Variants in KCNJ4 observed in about 807,000 individuals in gnomAD.
KCNJ4 encodes the protein potassium inwardly rectifying channel subfamily J member 4.
A neutral mutation model predicts 25.6 loss-of-function variants in KCNJ4; 3 were observed. That is an observed-to-expected ratio of 0.12 (90% CI 0.05 to 0.30). The LOEUF (loss-of-function observed/expected upper bound fraction) is 0.30. Among genes scored for constraint, KCNJ4 ranks in the 10% least tolerant of loss-of-function variants. The pLI is 1.00. For missense variants in KCNJ4, 286 were observed against 666.8 expected (o/e 0.43, Z 6.29); for synonymous variants, 257 against 283.9 (o/e 0.91, Z 0.95).
rs771035364 is a variant in KCNJ4 at position 38,426,786 on chromosome 22, G to T, written c.*9C>A. On this transcript the variant is annotated 3_prime_UTR_variant, in exon 2 of 2. Transcript: ENST00000303592. ...TCTTGTGGGCAGTGGTGAGGGCCGG[G>T]CCTGGAGGTCAGATGGCAGACTCCC... 8.1e-6 allele frequency: 13 copies of T among 1,600,542 alleles called. No homozygotes were observed. The South Asian group carries it at 1.2e-4, about 15-fold the overall frequency.
In KCNJ4 at chr22:38,443,967, G is replaced by A. The variant is rs1359394907; in HGVS notation, c.-40+11013C>T. Among the ~76,000 whole-genome samples, 4 of 151,824 alleles carry A rather than the reference G, an allele frequency of 2.6e-5. No individual in the cohort carries two copies. Among genetic ancestry groups the A allele is most frequent in the Non-Finnish European group, 5.9e-5 (4 of 67,986 alleles). On this transcript the variant is annotated intron_variant, in intron 1 of 1. Coordinates refer to ENST00000303592, the MANE Select transcript of KCNJ4 (RefSeq NM_152868.3). The surrounding 1 kb of genome is among the most constrained non-coding windows in gnomAD (Gnocchi z 4.1). ...AGACCTTCCTTCCCGTCCCTTTAAC[G>A]CACCAAGTTTATTCCTGTCTCTGGG...
chr22:38,444,054 C>T (rs1018045618), intron 1 of KCNJ4, among the ~76,000 whole-genome samples: 14 of 152,152 alleles, frequency 9.2e-5, no homozygotes, highest in Non-Finnish European at 1.0e-4. Flanking sequence ...CCGCTTGTGC[C>T]TTCCTACCAT....
chr22:38,427,035 G>C lies in KCNJ4; in HGVS notation c.1098C>G (p.Pro366=), dbSNP rs959718625. 3.7e-6 allele frequency: 6 copies of C among 1,612,548 alleles called. No homozygotes were observed. Among genetic ancestry groups the C allele is most frequent in the Non-Finnish European group, 4.2e-6 (5 of 1,179,906 alleles). Residue 366 remains proline (P), a synonymous_variant, in exon 2 of 2, where the codon CCC becomes CCG. Transcript: ENST00000303592. ...SKITVLPAPP[P]PPSAFCYENE... is the part of the protein sequence containing the mutation. ...TCTCGTAGCAGAAGGCACTGGGAGG[G>C]GGCGGTGGGGCGGGCAGCACGGTGA...
intron 1 of KCNJ4, among the ~76,000 whole-genome samples, chr22:38,432,865 G>A (rs2093054415): frequency 6.6e-6 from 1 of 152,044 alleles, no homozygotes; most frequent in Admixed American, 6.6e-5. Context: ...CAGCTTCTCG[G>A]GAGGCTGAGG....
intron 1 of KCNJ4, among the ~76,000 whole-genome samples, chr22:38,446,811 C>T (rs1313819843): frequency 6.6e-6 from 1 of 152,060 alleles, no homozygotes; most frequent in Non-Finnish European, 1.5e-5. Context: ...CAAAAATTAA[C>T]CGAGCATGGT....
chr22:38,428,766 A>T (rs930906649), intron 1 of KCNJ4, among the ~76,000 whole-genome samples: 1 of 152,190 alleles, frequency 6.6e-6, no homozygotes, highest in African/African-American at 2.4e-5. Flanking sequence ...CACTGGACAG[A>T]GAAGACACAG....
chr22:38,435,960 C>T (rs1021162428), intron 1 of KCNJ4, among the ~76,000 whole-genome samples: 3 of 152,058 alleles, frequency 2.0e-5, no homozygotes, highest in African/African-American at 7.2e-5. Context: ...GGGTCCCCAC[C>T]TGCCACTGCC....
At chr22:38,450,349 GT>G (rs776745401) in intron 1 of KCNJ4, among the ~76,000 whole-genome samples, 3 of 152,034 alleles carry the variant, frequency 2.0e-5, no homozygotes, top group Non-Finnish European at 4.4e-5. Context: ...TTCAGCCCAG[GT>G]TCACATGGAT....
At chr22:38,438,179 G>A (rs1416653285) in intron 1 of KCNJ4, among the ~76,000 whole-genome samples, 1 of 145,476 alleles carries the variant, frequency 6.9e-6, no homozygotes, top group Non-Finnish European at 1.5e-5. Context: ...GGGGGAGGTT[G>A]CAGTGAGCCG....
At chr22:38,454,391 TG>T (rs1353328566) in intron 1 of KCNJ4, among the ~76,000 whole-genome samples, 6 of 151,954 alleles carry the variant, frequency 3.9e-5, no homozygotes, top group Admixed American at 3.9e-4. Context: ...TCTCTTGCCT[TG>T]GGGTGCTCCC....
At chr22:38,451,481 T>C (rs1401676310) in intron 1 of KCNJ4, among the ~76,000 whole-genome samples, 2 of 151,966 alleles carry the variant, frequency 1.3e-5, no homozygotes, top group Non-Finnish European at 2.9e-5. Flanking sequence ...AAGAGACCAA[T>C]AGAGGGAGGG....
chr22:38,447,061 G>A (rs2145946792), intron 1 of KCNJ4, among the ~76,000 whole-genome samples: 1 of 152,294 alleles, frequency 6.6e-6, no homozygotes, highest in South Asian at 2.1e-4. Context: ...CTGCTAAGGG[G>A]TGGAGCTGGA....
At position 38,449,148 on chromosome 22, in the gene KCNJ4, C is replaced by T. The variant is rs1424622962; in HGVS notation, c.-40+5832G>A. Among the ~76,000 whole-genome samples, 2 of 152,144 alleles carry T rather than the reference C, an allele frequency of 1.3e-5. No individual in the cohort carries two copies. The highest frequency in any genetic ancestry group is 4.8e-5 in the African/African-American group (2 of 41,440). Reference sequence around the variant, plus strand: ...CTGGTCAGGGACTGGCCAGCAGCCACAGGGAGGAGTGGCTGAGCTGTTGCA... The same window carrying T: ...CTGGTCAGGGACTGGCCAGCAGCCATAGGGAGGAGTGGCTGAGCTGTTGCA... On this transcript the variant is annotated intron_variant, in intron 1 of 1. Transcript: ENST00000303592. This position sits in a 1 kb window ranked among gnomAD's most constrained non-coding sequence, Gnocchi z 5.2.
chr22:38,438,167 A>AG (rs1569121441), intron 1 of KCNJ4, among the ~76,000 whole-genome samples: 2 of 125,628 alleles, frequency 1.6e-5, no homozygotes, highest in Non-Finnish European at 3.2e-5. Flanking sequence ...TGAACCTGGG[A>AG]GGGGGGAGGT....
At chr22:38,445,605 A>C (rs897132056) in intron 1 of KCNJ4, among the ~76,000 whole-genome samples, 1 of 152,132 alleles carries the variant, frequency 6.6e-6, no homozygotes, top group African/African-American at 2.4e-5. Flanking sequence ...CGGCCTCCCA[A>C]CGTGCTGGGA....
intron 1 of KCNJ4, among the ~76,000 whole-genome samples, chr22:38,437,746 G>C (rs949371229): frequency 2.6e-5 from 4 of 152,340 alleles, no homozygotes; most frequent in Admixed American, 1.3e-4. Flanking sequence ...GCAGAGCCAA[G>C]ACTTGGGTAG....
chr22:38,442,620 A>G (rs1212693364), intron 1 of KCNJ4, among the ~76,000 whole-genome samples: 1 of 151,492 alleles, frequency 6.6e-6, no homozygotes, highest in African/African-American at 2.4e-5. Flanking sequence ...GGCTTTGGGA[A>G]AATTTCTTAA....
rs1484934557 is a variant in KCNJ4, at chr22:38,426,758, G to T, written c.*37C>A. The T allele has an allele frequency of 6.4e-7, 1 of 1,567,006 alleles. No individual in the cohort carries two copies. On this transcript the variant is annotated 3_prime_UTR_variant, in exon 2 of 2. Transcript: ENST00000303592. ...GTCCTGGCATCCCACCCCCGGCAGA[G>T]GCTCTTGTGGGCAGTGGTGAGGGCC...
chr22:38,426,925 A>T lies in KCNJ4; in HGVS notation c.1208T>A (p.Leu403Gln). ...AAAAVAAGLG[L>Q]EAGSKEEAGI... ...CGCCTCCTCCTTGGAACCCGCCTCC[A>T]GGCCCAGGCCTGCGGCCACCGCGGC... The change falls in exon 2 of 2, where the codon CTG becomes CAG. Residue 403 changes from leucine (L) to glutamine (Q), a missense_variant. Physicochemically the swap from Leu to Gln is moderately radical, Grantham distance 113 (BLOSUM62 -2). Coordinates refer to ENST00000303592, the MANE Select transcript of KCNJ4 (RefSeq NM_152868.3). 1 of 1,612,704 alleles carries T rather than the reference A, an allele frequency of 6.2e-7. No individual in the cohort carries two copies.
Sources: allele counts gnomAD v4.1 joint callset (sites outside exome capture counted in the v4.1 genomes callset), GRCh38; gene constraint gnomAD v4.1.1; non-coding constraint Gnocchi (gnomAD v3.1); transcripts MANE v1.5; gene names NCBI Gene and HGNC (gene_info 2026-07-23, HGNC 2026-07-21).